CADPS2: variants seen among roughly 807,000 people sequenced by gnomAD.
The protein encoded by CADPS2 is calcium-dependent secretion activator 2.
In CADPS2, 93 loss-of-function variants were observed where a neutral mutation model predicts 172.5. The observed-to-expected ratio is 0.54, with a 90% CI of 0.46 to 0.64. CADPS2 has a LOEUF of 0.64. CADPS2 is among the 30% of genes least tolerant of loss of function. CADPS2 has a pLI of 0.00. For missense variants in CADPS2, 1,420 were observed against 1,565.9 expected (o/e 0.91, Z 1.57); for synonymous variants, 546 against 555.2 (o/e 0.98, Z 0.23).
At chr7:122,764,453 T>C (rs1210417433) in intron 1 of CADPS2, among the ~76,000 whole-genome samples, 1 of 152,026 alleles carries the variant, frequency 6.6e-6, no homozygotes, top group Non-Finnish European at 1.5e-5. Flanking sequence ...AGCGTTTTCC[T>C]AGGCATTGAA....
intron 12 of CADPS2, among the ~76,000 whole-genome samples, chr7:122,476,824 ACTTT>A: frequency 6.6e-6 from 1 of 152,258 alleles, no homozygotes; most frequent in African/African-American, 2.4e-5. Context: ...AAACATTTTT[ACTTT>A]CTTTCTACAT....
intron 1 of CADPS2, chr7:122,850,380 CT>C: frequency 2.9e-6 from 1 of 347,940 alleles, no homozygotes. Flanking sequence ...GACACCTTCC[CT>C]CCCCAGAGCA....
chr7:122,697,001 T>G (rs1683155581), intron 2 of CADPS2, among the ~76,000 whole-genome samples: 1 of 152,164 alleles, frequency 6.6e-6, no homozygotes, highest in Admixed American at 6.6e-5. Flanking sequence ...TGGCATAGAT[T>G]AAACATTTTA....
intron 1 of CADPS2, among the ~76,000 whole-genome samples, chr7:122,828,619 T>TA (rs1805627115): frequency 6.6e-6 from 1 of 152,224 alleles, no homozygotes; most frequent in Non-Finnish European, 1.5e-5. Flanking sequence ...GTACTCATAT[T>TA]TAAGTTATCT....
chr7:122,860,682 C>G (rs1816723976), intron 1 of CADPS2, among the ~76,000 whole-genome samples: 1 of 152,138 alleles, frequency 6.6e-6, no homozygotes, highest in Non-Finnish European at 1.5e-5. Context: ...ATCAGGATTT[C>G]TCTTATAAAA....
intron 1 of CADPS2, among the ~76,000 whole-genome samples, chr7:122,788,344 G>A (rs1794526685): frequency 6.6e-6 from 1 of 152,074 alleles, no homozygotes; most frequent in African/African-American, 2.4e-5. Context: ...CAAAGAAATG[G>A]CCTCGATTTA....
intron 25 of CADPS2, among the ~76,000 whole-genome samples, chr7:122,373,809 C>A (rs1344414662): frequency 6.6e-6 from 1 of 151,968 alleles, no homozygotes; most frequent in African/African-American, 2.4e-5. Flanking sequence ...GAAGTGAATT[C>A]CACCAAACAT....
At chr7:122,398,689 G>A (rs892172446) in intron 20 of CADPS2, among the ~76,000 whole-genome samples, 33 of 150,352 alleles carry the variant, frequency 2.2e-4, no homozygotes, top group Middle Eastern at 3.4e-3. Context: ...CAGGAGAAAA[G>A]CCAGCAGAAC....
chr7:122,513,449 G>A (rs1392977060), intron 8 of CADPS2, 134 bp from the exon 9 acceptor site: 1 of 647,516 alleles, frequency 1.5e-6, no homozygotes, highest in South Asian at 2.1e-5. Context: ...TTTGGAAAGT[G>A]AGACAACCTG....
chr7:122,734,929 C>T (rs888277773), intron 2 of CADPS2, among the ~76,000 whole-genome samples: 1 of 152,088 alleles, frequency 6.6e-6, no homozygotes, highest in African/African-American at 2.4e-5. Context: ...GAAAAACCCT[C>T]GGTCACCAAG....
chr7:122,617,694 A>C (rs2075080899), intron 5 of CADPS2, among the ~76,000 whole-genome samples: 1 of 149,990 alleles, frequency 6.7e-6, no homozygotes, highest in South Asian at 2.1e-4. Context: ...AGCACCAAAC[A>C]TAGAGAAAGT....
At chr7:122,783,180 G>A (rs1373907420) in intron 1 of CADPS2, among the ~76,000 whole-genome samples, 3 of 144,270 alleles carry the variant, frequency 2.1e-5, no homozygotes, top group African/African-American at 5.1e-5. Context: ...GCGACAAAGC[G>A]AGACTCCATC....
chr7:122,417,896 A>T (rs2048109382), intron 17 of CADPS2, among the ~76,000 whole-genome samples: 1 of 152,198 alleles, frequency 6.6e-6, no homozygotes, highest in South Asian at 2.1e-4. Context: ...TGCATTTTGG[A>T]GGAAGGTGGT....
intron 1 of CADPS2, among the ~76,000 whole-genome samples, chr7:122,840,553 CA>C (rs5887117): frequency 0.84 from 109,716 of 130,126 alleles, 45,400 homozygotes; most frequent in East Asian, 0.96. Context: ...TTTTTAAATG[CA>C]AAAAAAAAAA....
intron 1 of CADPS2, among the ~76,000 whole-genome samples, chr7:122,868,676 T>A (rs1247926455): frequency 6.6e-6 from 1 of 152,130 alleles, no homozygotes; most frequent in African/African-American, 2.4e-5. Context: ...CAAGGAAAAT[T>A]AACTAACAGA....
At chr7:122,329,254 T>C (rs2034489711) in intron 28 of CADPS2, among the ~76,000 whole-genome samples, 1 of 152,194 alleles carries the variant, frequency 6.6e-6, no homozygotes, top group African/African-American at 2.4e-5. Context: ...GGGTGCAGTC[T>C]GAATGGCTGG....
At chr7:122,568,983 C>T (rs1421355832) in intron 7 of CADPS2, among the ~76,000 whole-genome samples, 1 of 152,102 alleles carries the variant, frequency 6.6e-6, no homozygotes. Flanking sequence ...GACAGGGATG[C>T]CCTCTCTCAC....
intron 27 of CADPS2, among the ~76,000 whole-genome samples, chr7:122,352,202 C>G (rs902966360): frequency 6.6e-6 from 1 of 152,178 alleles, no homozygotes; most frequent in East Asian, 1.9e-4. Flanking sequence ...TACCTATGAG[C>G]TTTATACTAT....
intron 19 of CADPS2, 80 bp downstream of exon 19, chr7:122,413,988 C>T: frequency 4.8e-6 from 6 of 1,237,536 alleles, no homozygotes; most frequent in Non-Finnish European, 6.8e-6. Context: ...AAATGGACTA[C>T]AATCAGAGTA....
Sources: gnomAD v4.1 joint callset for allele counts (sites outside exome capture counted in the v4.1 genomes callset) on GRCh38, gnomAD v4.1.1 for gene constraint, MANE v1.5 for transcripts, NCBI Gene and HGNC (gene_info 2026-07-23, HGNC 2026-07-21) for gene names.